Variants in CHSY1 observed in about 807,000 individuals in gnomAD.
The protein encoded by CHSY1 is chondroitin sulfate synthase 1.
CHSY1 carries 13 observed loss-of-function variants against 59.8 expected under a neutral mutation model. The observed-to-expected ratio is 0.22, with a 90% CI of 0.14 to 0.35. The LOEUF is 0.35. Ranked by LOEUF, CHSY1 falls within the 10% of genes least tolerant of loss-of-function variation. The pLI is 1.00. For synonymous variants in CHSY1, 459 were observed against 401.2 expected (o/e 1.14, Z -1.72); for missense variants, 947 against 1,030.6 (o/e 0.92, Z 1.11).
Position 101,177,174 on chromosome 15 carries a change from G to A in CHSY1, c.*214C>T, listed in dbSNP as rs2038201646. ...CAGGTACATTTCAAGTCAAAGTTAA[G>A]CAGGTCTGCTACATAATGTTCAGCA... On this transcript the variant is annotated 3_prime_UTR_variant, in exon 3 of 3. Coordinates refer to ENST00000254190, the MANE Select transcript of CHSY1 (RefSeq NM_014918.5). 1 of 477,210 alleles carries A rather than the reference G, an allele frequency of 2.1e-6. No homozygotes were observed. The highest frequency in any genetic ancestry group is 3.8e-5 in the South Asian group (1 of 26,476). The allele number at this position is 477,210 out of a possible 1,614,324, so 29.6% of individuals were successfully genotyped here. A position where few individuals can be genotyped will look rare whatever the true frequency, so the allele number is the denominator to read the frequency against.
intron 2 of CHSY1, among the ~76,000 whole-genome samples, chr15:101,224,956 C>T (rs960792081): frequency 9.2e-5 from 14 of 152,224 alleles, no homozygotes; most frequent in Admixed American, 2.0e-4. Context: ...AGGATGCCTT[C>T]GTGATTGGTT....
intron 2 of CHSY1, among the ~76,000 whole-genome samples, chr15:101,208,930 A>T (rs1190338237): frequency 6.6e-6 from 1 of 152,240 alleles, no homozygotes; most frequent in East Asian, 1.9e-4. Flanking sequence ...AAGTAGAAAG[A>T]ATAACTGGAT....
chr15:101,217,990 G>C (rs940919458), intron 2 of CHSY1, among the ~76,000 whole-genome samples: 1 of 152,124 alleles, frequency 6.6e-6, no homozygotes, highest in Non-Finnish European at 1.5e-5. Context: ...CCATGCTGAC[G>C]GTACGTACCC....
intron 1 of CHSY1, among the ~76,000 whole-genome samples, chr15:101,239,175 A>G (rs2038977159): frequency 6.6e-6 from 1 of 152,246 alleles, no homozygotes; most frequent in Non-Finnish European, 1.5e-5. Flanking sequence ...TGCTTGGCAC[A>G]TAATAGAGGT....
In CHSY1 at chr15:101,251,740, GCTC is replaced by G. The variant is rs2039117822; in HGVS notation, c.-287_-285del. On this transcript the variant is annotated 5_prime_UTR_variant, in exon 1 of 3. Coordinates refer to ENST00000254190, the MANE Select transcript of CHSY1 (RefSeq NM_014918.5). ...GCGGCTCGGGCGCGAGGTGGCGGCGGCTCCTCCCGCTCGCGCGCGGGGACGCGG... is the reference window on the plus strand; with the variant it reads ...GCGGCTCGGGCGCGAGGTGGCGGCGGCTCCCGCTCGCGCGCGGGGACGCGG... The G allele has an allele frequency of 6.7e-6, 1 of 149,008 alleles. No homozygotes were observed. The highest frequency in any genetic ancestry group is 2.1e-4 in the South Asian group (1 of 4,832). 9.2% of individuals were successfully genotyped at this position (149,008 alleles called of 1,614,324 possible).
At chr15:101,196,041 G>C (rs1240099685) in intron 2 of CHSY1, among the ~76,000 whole-genome samples, 1 of 152,006 alleles carries the variant, frequency 6.6e-6, no homozygotes, top group Admixed American at 6.6e-5. Context: ...TTGAGGTCAG[G>C]AGTTCGAGAT....
intron 1 of CHSY1, among the ~76,000 whole-genome samples, chr15:101,246,514 A>C (rs916760107): frequency 1.3e-5 from 2 of 152,218 alleles, no homozygotes; most frequent in African/African-American, 4.8e-5. Flanking sequence ...TCAACCTCCA[A>C]TAATTTCAAT....
chr15:101,239,400 G>A (rs888232698), intron 1 of CHSY1, among the ~76,000 whole-genome samples: 1 of 152,234 alleles, frequency 6.6e-6, no homozygotes, highest in African/African-American at 2.4e-5. Flanking sequence ...AACTAAGGAG[G>A]CGAATCTACA....
At chr15:101,244,973 G>A (rs955065905) in intron 1 of CHSY1, among the ~76,000 whole-genome samples, 1 of 152,168 alleles carries the variant, frequency 6.6e-6, no homozygotes, top group Non-Finnish European at 1.5e-5. Flanking sequence ...CAAGAGAGCT[G>A]CATTTTAGAC....
intron 2 of CHSY1, among the ~76,000 whole-genome samples, chr15:101,216,025 TAGTC>T (rs1397972625): frequency 1.3e-5 from 2 of 152,174 alleles, no homozygotes; most frequent in African/African-American, 4.8e-5. Context: ...ATATGCTCAT[TAGTC>T]AGGCGTAAAC....
intron 2 of CHSY1, among the ~76,000 whole-genome samples, chr15:101,180,393 C>G (rs2038261359): frequency 6.6e-6 from 1 of 152,190 alleles, no homozygotes; most frequent in Non-Finnish European, 1.5e-5. Context: ...CCCCACATGG[C>G]AGGTGCACGC....
At chr15:101,230,874 AG>A (rs2038886421) in intron 2 of CHSY1, among the ~76,000 whole-genome samples, 1 of 152,162 alleles carries the variant, frequency 6.6e-6, no homozygotes, top group African/African-American at 2.4e-5. Flanking sequence ...AGGGAGAAAA[AG>A]GTGGCCATTC....
At position 101,176,354 on chromosome 15, in the gene CHSY1, G is replaced by A. The variant is rs968632889; in HGVS notation, c.*1034C>T. ...AAAACCAAATACATTTTTCCCCAAC[G>A]TTTTGATTAGGGTGTATGTGTGTAT... On this transcript the variant is annotated 3_prime_UTR_variant, in exon 3 of 3. Transcript: ENST00000254190. 5 of 398,392 alleles carry A rather than the reference G, an allele frequency of 1.3e-5. No individual in the cohort carries two copies. Among genetic ancestry groups the A allele is most frequent in the South Asian group, 1.3e-4 (1 of 7,856 alleles). The allele number at this position is 398,392 out of a possible 1,614,324, so 24.7% of individuals were successfully genotyped here.
Position 101,251,227 on chromosome 15 carries a change from G to A in CHSY1, c.230C>T (p.Pro77Leu). 3.2e-6 allele frequency: 5 copies of A among 1,586,868 alleles called. No individual in the cohort carries two copies. The highest frequency in any genetic ancestry group is 4.3e-6 in the Non-Finnish European group (5 of 1,171,348). The change falls in exon 1 of 3, where the codon CCA (proline) becomes CTA (leucine). Residue 77 changes from proline (P) to leucine (L), a missense_variant. Pro to Leu is a moderately conservative substitution (Grantham distance 98). Transcript: ENST00000254190. ...GAQLWPPGSD[P>L]DGGPRDRNFL... ...GTTCCTGTCGCGCGGGCCGCCATCT[G>A]GGTCCGAGCCGGGCGGCCAGAGCTG...
intron 2 of CHSY1, among the ~76,000 whole-genome samples, chr15:101,193,501 G>A (rs908859228): frequency 1.6e-4 from 24 of 152,200 alleles, no homozygotes; most frequent in African/African-American, 5.1e-4. Context: ...AAGCATAAAC[G>A]GCTGGGCCAC....
At chr15:101,194,652 C>A (rs1397391392) in intron 2 of CHSY1, among the ~76,000 whole-genome samples, 1 of 152,194 alleles carries the variant, frequency 6.6e-6, no homozygotes, top group Non-Finnish European at 1.5e-5. Context: ...TCACTCACAA[C>A]CAGAGCTTCC....
In CHSY1 at chr15:101,178,618, A is replaced by C. The variant is rs2141236170; in HGVS notation, c.1179T>G (p.Pro393=). The change falls in exon 3 of 3, where the codon CCT becomes CCG. Residue 393 remains proline, a synonymous_variant. Transcript: ENST00000254190. The part of the protein sequence containing the change: ...YLYSAVDGQP[P]RRGMDSAQRE... ...TCTGGGCGGAGTCCATTCCTCTTCG[A>C]GGGGGCTGGCCGTCAACTGCCGAAT... 1 of 1,614,182 alleles carries C rather than the reference A, an allele frequency of 6.2e-7. No individual in the cohort carries two copies. The highest frequency in any genetic ancestry group is 2.2e-5 in the East Asian group (1 of 44,882).
intron 1 of CHSY1, among the ~76,000 whole-genome samples, chr15:101,246,455 G>A (rs559423141): frequency 2.6e-5 from 4 of 151,104 alleles, no homozygotes; most frequent in Non-Finnish European, 5.9e-5. Flanking sequence ...AATGTTTGAA[G>A]CAGATGAATA....
At position 101,176,609 on chromosome 15, in the gene CHSY1, C is replaced by T. The variant is rs1249007500; in HGVS notation, c.*779G>A. On this transcript the variant is annotated 3_prime_UTR_variant, in exon 3 of 3. Coordinates refer to ENST00000254190, the MANE Select transcript of CHSY1 (RefSeq NM_014918.5). ...AAACCTACGTGGCCAGCTGGGCTTGCATGGTGAAACCCCGTCTCTACTAAA... is the reference window on the plus strand; with the variant it reads ...AAACCTACGTGGCCAGCTGGGCTTGTATGGTGAAACCCCGTCTCTACTAAA... 1.0e-5 allele frequency: 4 copies of T among 386,780 alleles called. No individual in the cohort carries two copies. Among genetic ancestry groups the T allele is most frequent in the East Asian group, 3.7e-5 (1 of 27,334 alleles). 24.0% of individuals were successfully genotyped at this position (386,780 alleles called of 1,614,324 possible).
Sources: gnomAD v4.1 joint callset for allele counts (sites outside exome capture counted in the v4.1 genomes callset) on GRCh38, gnomAD v4.1.1 for gene constraint, MANE v1.5 for transcripts, NCBI Gene and HGNC (gene_info 2026-07-23, HGNC 2026-07-21) for gene names.